Variants in SP4 observed in about 807,000 individuals in gnomAD.
The protein encoded by SP4 is Sp4 transcription factor, also known as transcription factor Sp4.
A neutral mutation model predicts 72.8 loss-of-function variants in SP4; 19 were observed. The ratio of observed to expected loss-of-function variants is 0.26; its 90% confidence interval spans 0.18 to 0.38. The LOEUF is 0.38. SP4 is among the 10% of genes least tolerant of loss of function. The pLI, the probability that SP4 is intolerant of heterozygous loss-of-function variation, is 1.00. For synonymous variants in SP4, 395 were observed against 333.1 expected (o/e 1.19, Z -2.02); for missense variants, 1,008 against 926.3 (o/e 1.09, Z -1.14).
Position 21,430,283 on chromosome 7 carries a change from A to C in SP4, c.1118A>C (p.Gln373Pro). 1.2e-6 allele frequency: 2 copies of C among 1,614,262 alleles called. No homozygotes were observed. Among genetic ancestry groups the C allele is most frequent in the Non-Finnish European group, 1.7e-6 (2 of 1,180,046 alleles). Residue 373 changes from glutamine (Q) to proline (P), a missense_variant, in exon 3 of 6, where the codon CAG becomes CCG. By Grantham distance (76) the Gln-to-Pro change is moderately conservative (BLOSUM62 -1). This residue lies in a region of SP4 where 893 missense variants were observed against 743.3 expected (regional missense o/e 1.20). Coordinates refer to ENST00000222584, the MANE Select transcript of SP4 (RefSeq NM_003112.5). ...CCTGCTGCTACTGAGTCTGAAGCCC[A>C]GAGCTCCAGTCAGCTTCAGCCTAAT... ...QTPAATESEA[Q>P]SSSQLQPNGM... is the part of the protein sequence containing the mutation.
At chr7:21,452,789 T>A (rs1231276907) in intron 3 of SP4, among the ~76,000 whole-genome samples, 1 of 151,512 alleles carries the variant, frequency 6.6e-6, no homozygotes, top group African/African-American at 2.4e-5. Context: ...CATTATTTTT[T>A]TTTTTTTTTT....
intron 5 of SP4, among the ~76,000 whole-genome samples, chr7:21,497,795 G>A (rs766254320): frequency 5.3e-4 from 80 of 152,222 alleles, no homozygotes; most frequent in Non-Finnish European, 4.7e-4. Context: ...CCTAAATAAA[G>A]CATTTATAAT....
intron 3 of SP4, among the ~76,000 whole-genome samples, chr7:21,433,587 T>C (rs1782940545): frequency 6.6e-6 from 1 of 152,264 alleles, no homozygotes; most frequent in African/African-American, 2.4e-5. Flanking sequence ...GGAATGGTTT[T>C]AATGAAGCTA....
intron 5 of SP4, among the ~76,000 whole-genome samples, chr7:21,507,415 C>T (rs1396932914): frequency 1.3e-5 from 2 of 152,176 alleles, no homozygotes; most frequent in Admixed American, 6.5e-5. Context: ...GTCTTTCCTC[C>T]TCTAACCCTC....
At chr7:21,490,794 A>G (rs1200979701) in intron 5 of SP4, among the ~76,000 whole-genome samples, 1 of 152,216 alleles carries the variant, frequency 6.6e-6, no homozygotes, top group East Asian at 1.9e-4. Flanking sequence ...AAAAACCACC[A>G]TCCAATTCCC....
chr7:21,431,329 C>T, intron 3 of SP4, among the ~76,000 whole-genome samples: 1 of 151,940 alleles, frequency 6.6e-6, no homozygotes. Context: ...ATCTTGTCGC[C>T]CATGCTTTTG....
At chr7:21,467,587 CTTATT>C (rs1483891802) in intron 3 of SP4, among the ~76,000 whole-genome samples, 1 of 152,068 alleles carries the variant, frequency 6.6e-6, no homozygotes, top group East Asian at 1.9e-4. Flanking sequence ...ATCCTGCTTG[CTTATT>C]TTAAGTCAGA....
At chr7:21,443,988 T>G (rs1450694510) in intron 3 of SP4, among the ~76,000 whole-genome samples, 1 of 152,224 alleles carries the variant, frequency 6.6e-6, no homozygotes, top group Non-Finnish European at 1.5e-5. Context: ...AGTTAAAGCG[T>G]ATTTTTATTT....
chr7:21,504,031 T>C (rs934841019), intron 5 of SP4, among the ~76,000 whole-genome samples: 12 of 152,294 alleles, frequency 7.9e-5, no homozygotes, highest in African/African-American at 2.9e-4. Context: ...TAATTCTTCC[T>C]CCTCCTCTCT....
At chr7:21,506,863 G>A (rs1407813067) in intron 5 of SP4, among the ~76,000 whole-genome samples, 1 of 152,152 alleles carries the variant, frequency 6.6e-6, no homozygotes, top group Non-Finnish European at 1.5e-5. Flanking sequence ...TCGTGAATGT[G>A]TCCTATGTCC....
At chr7:21,505,320 GAT>G (rs1781965922) in intron 5 of SP4, among the ~76,000 whole-genome samples, 1 of 152,128 alleles carries the variant, frequency 6.6e-6, no homozygotes, top group African/African-American at 2.4e-5. Context: ...TTTGTTCTTA[GAT>G]ACTCGCAATC....
chr7:21,514,546 G>GAAAAA lies in SP4; in HGVS notation c.*3282_*3286dup, dbSNP rs900210079. On this transcript the variant is annotated 3_prime_UTR_variant, in exon 6 of 6. Transcript: ENST00000222584. Reference sequence around the variant, plus strand: ...ATTTTTTTTGTAAAAAAAAAAAAATGAAAAAAAAAGATGAATCCAGAAAAA... The same window carrying GAAAAA: ...ATTTTTTTTGTAAAAAAAAAAAAATGAAAAAAAAAAAAAAGATGAATCCAGAAAAA... 9.3e-6 allele frequency: 1 copy of GAAAAA among 107,486 alleles called. No individual in the cohort carries two copies. The highest frequency in any genetic ancestry group is 2.0e-5 in the Non-Finnish European group (1 of 50,208). 6.7% of individuals were successfully genotyped at this position (107,486 alleles called of 1,614,324 possible).
intron 5 of SP4, among the ~76,000 whole-genome samples, chr7:21,491,236 A>G (rs1245499478): frequency 6.6e-6 from 1 of 152,230 alleles, no homozygotes; most frequent in Admixed American, 6.5e-5. Context: ...AAAGAACTAA[A>G]TAGAAATTTT....
chr7:21,447,566 T>A (rs1053481174), intron 3 of SP4, among the ~76,000 whole-genome samples: 2 of 152,244 alleles, frequency 1.3e-5, no homozygotes, highest in African/African-American at 4.8e-5. Context: ...CAGTGGAAAC[T>A]ATTTGCTGGA....
chr7:21,447,116 C>A (rs1303735196), intron 3 of SP4, among the ~76,000 whole-genome samples: 3 of 152,156 alleles, frequency 2.0e-5, no homozygotes, highest in Non-Finnish European at 4.4e-5. Flanking sequence ...AATGCCCTTG[C>A]CAGCGGATAC....
rs1004668302 is a variant in SP4, at chr7:21,477,250, G to T, written c.1850G>T (p.Gly617Val). The change falls in exon 4 of 6, where the codon GGC becomes GTC. Residue 617 changes from glycine (G) to valine (V), a missense_variant. Physicochemically the swap from Gly to Val is moderately radical, Grantham distance 109. This residue lies in a region of SP4 where 893 missense variants were observed against 743.3 expected (regional missense o/e 1.20). Transcript: ENST00000222584. Reference sequence around the variant, plus strand: ...ACTTCTGATCAAGAGGTACAACCTGGCAAGAGGCTTCGAAGAGTTGCCTGT... The same window carrying T: ...ACTTCTGATCAAGAGGTACAACCTGTCAAGAGGCTTCGAAGAGTTGCCTGT... ...QQTSDQEVQP[G>V]KRLRRVACSC... The T allele has an allele frequency of 3.7e-6, 6 of 1,614,076 alleles. No homozygotes were observed. The highest frequency in any genetic ancestry group is 5.1e-6 in the Non-Finnish European group (6 of 1,180,024).
At chr7:21,445,794 G>A (rs1444953380) in intron 3 of SP4, among the ~76,000 whole-genome samples, 2 of 152,088 alleles carry the variant, frequency 1.3e-5, no homozygotes, top group East Asian at 3.8e-4. Context: ...GGAAATCATG[G>A]TTTCCCTGAA....
chr7:21,504,257 G>T (rs1417643889), intron 5 of SP4, among the ~76,000 whole-genome samples: 2 of 152,046 alleles, frequency 1.3e-5, no homozygotes, highest in African/African-American at 4.8e-5. Context: ...AGTTCCCCAG[G>T]TACCAATTAT....
chr7:21,439,363 G>T lies in SP4; in HGVS notation c.1678+8520G>T, dbSNP rs778316023. On this transcript the variant is annotated intron_variant, in intron 3 of 5. Transcript: ENST00000222584. ...GCTGATCTTTTATTTGTATAAATTT[G>T]TTGGGTGCAAGTACAATTTTGTTAC... Among the ~76,000 whole-genome samples, 41 of 151,978 alleles carry T rather than the reference G, an allele frequency of 2.7e-4. 1 individual carries two copies. The highest frequency in any genetic ancestry group is 1.6e-3 in the Admixed American group (25 of 15,250).
Sources: allele counts gnomAD v4.1 joint callset (sites outside exome capture counted in the v4.1 genomes callset), GRCh38; gene constraint gnomAD v4.1.1; regional missense constraint gnomAD v4.1.1; transcripts MANE v1.5; gene names NCBI Gene and HGNC (gene_info 2026-07-23, HGNC 2026-07-21).